RETREG1: variants seen among roughly 807,000 people sequenced by gnomAD.
The protein encoded by RETREG1 is family with sequence similarity 134 member B.
Under a neutral mutation model 54.8 loss-of-function variants are expected in RETREG1, and 44 were observed. That is an observed-to-expected ratio of 0.80 (90% CI 0.63 to 1.03). The LOEUF is 1.03. Ranked by LOEUF, RETREG1 falls within the 50% of genes least tolerant of loss-of-function variation. The probability of loss-of-function intolerance (pLI) is 0.00; values close to 1 mark genes in which losing one functional copy is unlikely to be tolerated. For synonymous variants in RETREG1, 217 were observed against 238.5 expected (o/e 0.91, Z 0.83); for missense variants, 554 against 605.1 (o/e 0.92, Z 0.89).
At chr5:16,568,935 G>A (rs905564747) in intron 2 of RETREG1, among the ~76,000 whole-genome samples, 2 of 152,196 alleles carry the variant, frequency 1.3e-5, no homozygotes, top group Non-Finnish European at 2.9e-5. Flanking sequence ...GGAAGAGAGG[G>A]AAGGAGAGGA....
At position 16,585,350 on chromosome 5, in the gene RETREG1, C is replaced by T. The variant is rs1239670612; in HGVS notation, c.321-13248G>A. 6.6e-6 allele frequency among the ~76,000 whole-genome samples: 1 copy of T among 152,126 alleles called. No homozygotes were observed. The highest frequency in any genetic ancestry group is 2.4e-5 in the African/African-American group (1 of 41,414). ...AACCAAGGGCATGGCTAGGATGGAA[C>T]CAAGGCCATCTGAGGTCAAGGCAAA... On this transcript the variant is annotated intron_variant, in intron 1 of 8. Transcript: ENST00000306320. The surrounding 1 kb of genome is among the most constrained non-coding windows in gnomAD (Gnocchi z 4.5).
chr5:16,499,377 T>C (rs545785059), intron 3 of RETREG1, among the ~76,000 whole-genome samples: 1 of 152,358 alleles, frequency 6.6e-6, no homozygotes, highest in Admixed American at 6.5e-5. Flanking sequence ...TGCCATATAA[T>C]TTGCGATTCC....
At position 16,474,751 on chromosome 5, in the gene RETREG1, C is replaced by G. The variant is rs1432365396; in HGVS notation, c.1484G>C (p.Gly495Ala). Reference sequence around the variant, plus strand: ...AAGCTGATTCCTAGATTAATGGCCTCCCAGCAGATTTGAAAGGAAACCTGA... The same window carrying G: ...AAGCTGATTCCTAGATTAATGGCCTGCCAGCAGATTTGAAAGGAAACCTGA... ...KSSGFLSNLL[G>A]GH Residue 495 changes from glycine to alanine, a missense_variant, in exon 9 of 9, where the codon GGA becomes GCA. Physicochemically the swap from Gly to Ala is moderately conservative, Grantham distance 60. Transcript: ENST00000306320. The G allele has an allele frequency of 6.2e-7, 1 of 1,611,140 alleles. No homozygotes were observed. The highest frequency in any genetic ancestry group is 8.5e-7 in the Non-Finnish European group (1 of 1,179,606).
chr5:16,492,263 A>C (rs2126535427), intron 3 of RETREG1, among the ~76,000 whole-genome samples: 1 of 146,264 alleles, frequency 6.8e-6, no homozygotes, highest in African/African-American at 2.5e-5. Flanking sequence ...CATTCTTGTT[A>C]GGTTTTAACT....
intron 3 of RETREG1, among the ~76,000 whole-genome samples, chr5:16,548,171 T>C (rs1741438538): frequency 6.6e-6 from 1 of 152,236 alleles, no homozygotes. Flanking sequence ...CTCATTTCTT[T>C]ACTCTCTTAT....
At chr5:16,504,087 T>C (rs1396898113) in intron 3 of RETREG1, among the ~76,000 whole-genome samples, 1 of 152,100 alleles carries the variant, frequency 6.6e-6, no homozygotes, top group Admixed American at 6.5e-5. Flanking sequence ...CCCAGTATTG[T>C]TGTTCCCCTC....
intron 3 of RETREG1, among the ~76,000 whole-genome samples, chr5:16,494,538 C>G (rs568883548): frequency 1.3e-5 from 2 of 152,086 alleles, no homozygotes; most frequent in African/African-American, 4.8e-5. Context: ...CGTGTGGCAC[C>G]GCCCCCCTGC....
chr5:16,577,058 C>CACAG (rs1255085920), intron 1 of RETREG1, among the ~76,000 whole-genome samples: 1 of 151,916 alleles, frequency 6.6e-6, no homozygotes, highest in Non-Finnish European at 1.5e-5. Flanking sequence ...CACACACACA[C>CACAG]AGACTGAAAC....
At chr5:16,484,170 T>C (rs182486820) in intron 3 of RETREG1, among the ~76,000 whole-genome samples, 128 of 152,234 alleles carry the variant, frequency 8.4e-4, no homozygotes, top group African/African-American at 2.9e-3. Flanking sequence ...GTGTGATGCA[T>C]GGGCCGGCAA....
At chr5:16,569,477 A>G (rs1162329442) in intron 2 of RETREG1, among the ~76,000 whole-genome samples, 1 of 152,026 alleles carries the variant, frequency 6.6e-6, no homozygotes, top group African/African-American at 2.4e-5. Context: ...TCAGCACAGA[A>G]AGGGGCTCAA....
intron 8 of RETREG1, among the ~76,000 whole-genome samples, chr5:16,475,612 C>T (rs1293682661): frequency 6.6e-6 from 1 of 152,168 alleles, no homozygotes; most frequent in Non-Finnish European, 1.5e-5. Context: ...CCAATGAGTA[C>T]ACATGTACAT....
At chr5:16,534,277 A>G (rs1039534282) in intron 3 of RETREG1, among the ~76,000 whole-genome samples, 1 of 152,150 alleles carries the variant, frequency 6.6e-6, no homozygotes, top group African/African-American at 2.4e-5. Context: ...AGACCCTGTC[A>G]CTAAAAAACA....
intron 1 of RETREG1, among the ~76,000 whole-genome samples, chr5:16,611,994 G>A (rs1743354699): frequency 6.6e-6 from 1 of 151,838 alleles, no homozygotes; most frequent in Non-Finnish European, 1.5e-5. Flanking sequence ...GAACCCAGGA[G>A]GTGGAGGTTG....
At chr5:16,513,695 T>C (rs2126570864) in intron 3 of RETREG1, among the ~76,000 whole-genome samples, 1 of 152,364 alleles carries the variant, frequency 6.6e-6, no homozygotes, top group South Asian at 2.1e-4. Context: ...GTCAAGTCTA[T>C]ATCCTCATAT....
intron 3 of RETREG1, among the ~76,000 whole-genome samples, chr5:16,520,845 A>G (rs77315285): frequency 0.039 from 5,898 of 152,220 alleles, 400 homozygotes; most frequent in African/African-American, 0.13. Context: ...AGGGTGAGGT[A>G]ATGGCAGGTG....
chr5:16,601,007 A>T (rs1743037635), intron 1 of RETREG1, among the ~76,000 whole-genome samples: 1 of 152,226 alleles, frequency 6.6e-6, no homozygotes, highest in Non-Finnish European at 1.5e-5. Flanking sequence ...AGATGAAAAT[A>T]GAAAAACTGA....
intron 3 of RETREG1, among the ~76,000 whole-genome samples, chr5:16,551,102 A>C (rs1741523086): frequency 6.7e-6 from 1 of 149,488 alleles, no homozygotes; most frequent in Non-Finnish European, 1.5e-5. Flanking sequence ...CACAATTTTT[A>C]AAAATAACAA....
At chr5:16,504,170 C>A (rs1381724943) in intron 3 of RETREG1, among the ~76,000 whole-genome samples, 1 of 152,208 alleles carries the variant, frequency 6.6e-6, no homozygotes, top group East Asian at 1.9e-4. Context: ...TTTTCTGTTC[C>A]TGCATTAGTT....
At chr5:16,551,438 T>G (rs1198790653) in intron 3 of RETREG1, among the ~76,000 whole-genome samples, 4 of 152,208 alleles carry the variant, frequency 2.6e-5, no homozygotes, top group Admixed American at 2.0e-4. Context: ...AAGCATGGCA[T>G]CTTCATGACT....
Sources: allele counts gnomAD v4.1 joint callset (sites outside exome capture counted in the v4.1 genomes callset), GRCh38; gene constraint gnomAD v4.1.1; non-coding constraint Gnocchi (gnomAD v3.1); transcripts MANE v1.5; gene names NCBI Gene and HGNC (gene_info 2026-07-23, HGNC 2026-07-21).